Variants in DAB2IP observed in about 807,000 individuals in gnomAD.
The protein encoded by DAB2IP is disabled homolog 2-interacting protein.
DAB2IP carries 28 observed loss-of-function variants against 107.2 expected under a neutral mutation model. The ratio of observed to expected loss-of-function variants is 0.26; its 90% CI spans 0.19 to 0.36. The LOEUF (loss-of-function observed/expected upper bound fraction) is 0.36. Ranked by LOEUF, DAB2IP falls within the 10% of genes least tolerant of loss-of-function variation. The pLI is 1.00. For missense variants in DAB2IP, 1,400 were observed against 1,644.7 expected (o/e 0.85, Z 2.57); for synonymous variants, 755 against 706.4 (o/e 1.07, Z -1.09).
chr9:121,573,608 C>T (rs1233560669), intron 1 of DAB2IP, among the ~76,000 whole-genome samples: 1 of 151,206 alleles, frequency 6.6e-6, no homozygotes, highest in African/African-American at 2.4e-5. Flanking sequence ...GTCTTGAACT[C>T]CTGACCTCAG....
chr9:121,682,240 C>T (rs911549718), intron 2 of DAB2IP, among the ~76,000 whole-genome samples: 14 of 152,092 alleles, frequency 9.2e-5, no homozygotes, highest in South Asian at 2.1e-4. Context: ...TGTAGACCCT[C>T]GAGGGAACCC....
At chr9:121,719,441 T>C (rs1001809561) in intron 3 of DAB2IP, among the ~76,000 whole-genome samples, 2 of 152,178 alleles carry the variant, frequency 1.3e-5, no homozygotes, top group African/African-American at 4.8e-5. Context: ...GGGAACCCCA[T>C]GAGCCTAGTG....
At chr9:121,649,649 T>C (rs563072971), upstream of DAB2IP, among the ~76,000 whole-genome samples, 652 of 152,260 alleles carry the variant, frequency 4.3e-3, 3 homozygotes, top group African/African-American at 0.015. Context: ...CCCGTGGACC[T>C]GGCTACGGAG....
rs772572009 is a variant in DAB2IP, at chr9:121,699,403, C to T, written c.307C>T (p.Arg103Cys). 1.4e-6 allele frequency: 2 copies of T among 1,475,402 alleles called. No individual in the cohort carries two copies. Among genetic ancestry groups the T allele is most frequent in the African/African-American group, 1.5e-5 (1 of 68,296 alleles). The allele number at this position is 1,475,402 out of a possible 1,614,324, so 91.4% of individuals were successfully genotyped here. The stretch of plus-strand genomic sequence containing the variant: ...CAAGCTGGACCGCAACCACAGCTTC[C>T]GCCACATCCTGCCGGGGTTCCGGAG... Residue 103 changes from arginine (R) to cysteine (C), a missense_variant, in exon 3 of 16, where the codon CGC becomes TGC. Arg to Cys is a radical substitution (Grantham distance 180). This residue lies in a region of DAB2IP where 283 missense variants were observed against 237.0 expected (regional missense o/e 1.19). Coordinates refer to ENST00000408936, the Ensembl canonical transcript of DAB2IP. This position sits in a 1 kb window ranked among gnomAD's most constrained non-coding sequence, Gnocchi z 6.2.
chr9:121,627,703 G>A (rs981530799), intron 1 of DAB2IP, among the ~76,000 whole-genome samples: 2 of 152,016 alleles, frequency 1.3e-5, no homozygotes, highest in African/African-American at 4.8e-5. Flanking sequence ...ATGCGTGGGA[G>A]GCATTTGGAG....
chr9:121,683,960 G>A (rs758158337), intron 2 of DAB2IP, among the ~76,000 whole-genome samples: 15 of 151,954 alleles, frequency 9.9e-5, no homozygotes, highest in Non-Finnish European at 1.6e-4. Context: ...CTTGGTGGGT[G>A]AGCTAAAGCC....
At chr9:121,758,709 G>A (rs1833664407) in intron 4 of DAB2IP, among the ~76,000 whole-genome samples, 189 bp from the exon 5 acceptor site, 2 of 152,182 alleles carry the variant, frequency 1.3e-5, no homozygotes, top group Admixed American at 6.5e-5. Context: ...CTGGGACAGT[G>A]GCTCTCAAGT....
chr9:121,704,133 T>G (rs778375445), intron 3 of DAB2IP, among the ~76,000 whole-genome samples: 4 of 152,228 alleles, frequency 2.6e-5, no homozygotes, highest in Non-Finnish European at 5.9e-5. Context: ...ATTTAAATCC[T>G]TGAATATTTA....
rs1487914469 is a variant in DAB2IP at position 121,662,380 on chromosome 9, A to G, written c.124+10481A>G. On this transcript the variant is annotated intron_variant, in intron 1 of 15. Transcript: ENST00000408936. This position sits in a 1 kb window ranked among gnomAD's most constrained non-coding sequence, Gnocchi z 4.6. ...TCTGTATGACTTGTGAGCCAAGAAT[A>G]GTTTTTACATTTTTAAAGGGTTGGA... Among the ~76,000 whole-genome samples, 1 of 152,200 alleles carries G rather than the reference A, an allele frequency of 6.6e-6. No homozygotes were observed. Among genetic ancestry groups the G allele is most frequent in the Non-Finnish European group, 1.5e-5 (1 of 68,042 alleles).
At chr9:121,658,883 T>C (rs755317082) in intron 1 of DAB2IP, among the ~76,000 whole-genome samples, 8 of 152,212 alleles carry the variant, frequency 5.3e-5, no homozygotes, top group Non-Finnish European at 1.2e-4. Flanking sequence ...TGTGTTGACT[T>C]TGACAGCTGC....
Position 121,699,386 on chromosome 9 carries a change from A to C in DAB2IP, c.290A>C (p.Asp97Ala). 6.8e-7 allele frequency: 1 copy of C among 1,469,868 alleles called. No individual in the cohort carries two copies. Among genetic ancestry groups the C allele is most frequent in the Non-Finnish European group, 9.1e-7 (1 of 1,100,340 alleles). 91.1% of individuals were successfully genotyped at this position (1,469,868 alleles called of 1,614,324 possible). The stretch of plus-strand genomic sequence containing the variant: ...CGCACCAAGAGCCAGCCCAAGCTGG[A>C]CCGCAACCACAGCTTCCGCCACATC... The change falls in exon 3 of 16, where the codon GAC (aspartate) becomes GCC (alanine). Residue 97 changes from aspartate to alanine, a missense_variant. This residue lies in a region of DAB2IP where 283 missense variants were observed against 237.0 expected (regional missense o/e 1.19). Coordinates refer to ENST00000408936, the Ensembl canonical transcript of DAB2IP. This position sits in a 1 kb window ranked among gnomAD's most constrained non-coding sequence, Gnocchi z 6.2.
intron 3 of DAB2IP, among the ~76,000 whole-genome samples, chr9:121,721,468 G>C (rs945638411): frequency 6.6e-6 from 1 of 152,204 alleles, no homozygotes; most frequent in Non-Finnish European, 1.5e-5. Context: ...TGTGGGTCCT[G>C]CCATGTCCTG....
At position 121,776,791 on chromosome 9, in the gene DAB2IP, T is replaced by C. The variant is rs1835230414; in HGVS notation, c.3314+400T>C. On this transcript the variant is annotated intron_variant, in intron 14 of 15. Coordinates refer to ENST00000408936, the Ensembl canonical transcript of DAB2IP. The surrounding 1 kb of genome is among the most constrained non-coding windows in gnomAD (Gnocchi z 5.4). ...ATGAGTCTCAGTTACGTATAGTAGA[T>C]GAAGGTGGAAGACACAGCGTAGCCC... Among the ~76,000 whole-genome samples the C allele has an allele frequency of 6.6e-6, 1 of 151,880 alleles. No individual in the cohort carries two copies.
chr9:121,749,093 C>T (rs1166372556), intron 3 of DAB2IP, among the ~76,000 whole-genome samples: 1 of 152,180 alleles, frequency 6.6e-6, no homozygotes, highest in East Asian at 1.9e-4. Flanking sequence ...GCTCTGTCTC[C>T]CCAGGGCCCT....
intron 2 of DAB2IP, among the ~76,000 whole-genome samples, chr9:121,685,905 G>A (rs1476896876): frequency 2.0e-5 from 3 of 152,240 alleles, no homozygotes; most frequent in Non-Finnish European, 4.4e-5. Context: ...GGGCTGAAAT[G>A]TGAGGAAGTG....
At chr9:121,741,609 G>A (rs980126568) in intron 3 of DAB2IP, among the ~76,000 whole-genome samples, 4 of 152,010 alleles carry the variant, frequency 2.6e-5, no homozygotes, top group African/African-American at 4.8e-5. Context: ...CTTATGGGAC[G>A]GAGCAGGCAT....
Position 121,699,030 on chromosome 9 carries a change from C to T in DAB2IP, c.229-295C>T, listed in dbSNP as rs1829589098. ...CGCCCCGGCGCCCGGGGGGCTCGGG[C>T]AGCCTCGGCCGCGGTCGGCGCGGCT... On this transcript the variant is annotated intron_variant, in intron 2 of 15. Coordinates refer to ENST00000408936, the Ensembl canonical transcript of DAB2IP. The surrounding 1 kb of genome is among the most constrained non-coding windows in gnomAD (Gnocchi z 6.2). Among the ~76,000 whole-genome samples, 4 of 151,040 alleles carry T rather than the reference C, an allele frequency of 2.6e-5. No homozygotes were observed. The South Asian group carries it at 8.3e-4, about 31-fold the overall frequency.
chr9:121,769,379 A>G (rs926344538), intron 10 of DAB2IP, among the ~76,000 whole-genome samples: 1 of 152,168 alleles, frequency 6.6e-6, no homozygotes, highest in Non-Finnish European at 1.5e-5. Context: ...ATGCAGGCGC[A>G]CACACATAGA....
intron 1 of DAB2IP, among the ~76,000 whole-genome samples, chr9:121,646,439 A>G (rs924974869): frequency 4.6e-5 from 7 of 152,030 alleles, no homozygotes; most frequent in African/African-American, 1.7e-4. Context: ...CCTGCCAGAC[A>G]GGCCACCTCC....
Sources: gnomAD v4.1 joint callset for allele counts (sites outside exome capture counted in the v4.1 genomes callset) on GRCh38, gnomAD v4.1.1 for gene constraint, gnomAD v4.1.1 regional missense constraint, Gnocchi (gnomAD v3.1) non-coding constraint, MANE v1.5 for transcripts, NCBI Gene and HGNC (gene_info 2026-07-23, HGNC 2026-07-21) for gene names.